KAZN: variants seen among roughly 807,000 people sequenced by gnomAD.
KAZN encodes the protein kazrin.
KAZN carries 40 observed loss-of-function variants against 87.4 expected under a neutral mutation model. The observed-to-expected ratio is 0.46, with a 90% confidence interval of 0.36 to 0.60. KAZN has a LOEUF of 0.60. KAZN is among the 20% of genes least tolerant of loss of function. The pLI is 0.00. For synonymous variants in KAZN, 466 were observed against 458.3 expected (o/e 1.02, Z -0.22); for missense variants, 898 against 1,073.9 (o/e 0.84, Z 2.29).
chr1:15,045,888 C>G (rs979387065), intron 4 of KAZN, among the ~76,000 whole-genome samples: 14 of 152,222 alleles, frequency 9.2e-5, no homozygotes, highest in African/African-American at 3.4e-4. Context: ...TTACCTCCAC[C>G]TGGTCCTTCC....
chr1:14,097,776 T>C (rs1644161380), intron 1 of KAZN, among the ~76,000 whole-genome samples: 1 of 152,192 alleles, frequency 6.6e-6, no homozygotes, highest in African/African-American at 2.4e-5. Context: ...CTTGACTAGC[T>C]TTTATCTTAA....
At chr1:14,559,158 T>C (rs72646001) in intron 2 of KAZN, among the ~76,000 whole-genome samples, 5,822 of 152,286 alleles carry the variant, frequency 0.038, 144 homozygotes, top group Non-Finnish European at 0.059. Context: ...GGTTTTATAT[T>C]CCAATCAACT....
Position 14,033,530 on chromosome 1 carries a change from G to A in KAZN, c.91+139774G>A, listed in dbSNP as rs138050577. Among the ~76,000 whole-genome samples the A allele has an allele frequency of 3.2e-3, 483 of 152,332 alleles. 2 individuals carry two copies. The highest frequency in any genetic ancestry group is 0.011 in the African/African-American group (460 of 41,574). ...TGCCAAGCTATACCCTAGGGACAGGGCTGCAAGCACAGGCTTTTGCAAAAC... is the reference window on the plus strand; with the variant it reads ...TGCCAAGCTATACCCTAGGGACAGGACTGCAAGCACAGGCTTTTGCAAAAC... On this transcript the variant is annotated intron_variant, in intron 1 of 16. Coordinates refer to the KAZN transcript ENST00000636203.
chr1:15,033,126 A>C (rs2311859), intron 2 of KAZN, among the ~76,000 whole-genome samples: 1 of 151,986 alleles, frequency 6.6e-6, no homozygotes, highest in Non-Finnish European at 1.5e-5. Context: ...AAAGTGTATG[A>C]GGGGATTGTG....
At chr1:14,002,596 T>C (rs369610279) in intron 1 of KAZN, among the ~76,000 whole-genome samples, 21 of 152,256 alleles carry the variant, frequency 1.4e-4, no homozygotes, top group African/African-American at 4.3e-4. Context: ...TTATCAGCCG[T>C]GTGAAAATGA....
chr1:14,405,606 A>ATATGTGTGTGTGTGTGTGTGTGTGTG (rs760881462), intron 2 of KAZN, among the ~76,000 whole-genome samples: 2 of 136,220 alleles, frequency 1.5e-5, no homozygotes, highest in African/African-American at 5.3e-5. Context: ...ACCCAATAAA[A>ATATGTGTGTGTGTGTGTGTGTGTGTG]TGTGTGTGTG....
At chr1:14,376,912 G>A (rs1660960146) in intron 2 of KAZN, among the ~76,000 whole-genome samples, 1 of 152,180 alleles carries the variant, frequency 6.6e-6, no homozygotes, top group African/African-American at 2.4e-5. Flanking sequence ...GTATGTTTTT[G>A]TTTGCAAAGC....
chr1:14,399,504 ACT>A (rs34416593), intron 2 of KAZN, among the ~76,000 whole-genome samples: 22,905 of 151,862 alleles, frequency 0.15, 1,858 homozygotes, highest in East Asian at 0.22. Flanking sequence ...GACATCTAGG[ACT>A]CTCTCAGTAA....
intron 1 of KAZN, among the ~76,000 whole-genome samples, chr1:14,951,079 AG>A (rs1557653400): frequency 6.6e-6 from 1 of 152,214 alleles, no homozygotes; most frequent in African/African-American, 2.4e-5. Flanking sequence ...TGAAGATTTC[AG>A]TCAATCTCAA....
At chr1:13,915,106 T>C (rs2100881480) in intron 1 of KAZN, among the ~76,000 whole-genome samples, 1 of 152,326 alleles carries the variant, frequency 6.6e-6, no homozygotes, top group East Asian at 1.9e-4. Context: ...TGTACACACA[T>C]GCATGTGTAT....
intron 2 of KAZN, among the ~76,000 whole-genome samples, chr1:14,591,808 C>T (rs547444211): frequency 6.6e-6 from 1 of 152,280 alleles, no homozygotes; most frequent in South Asian, 2.1e-4. Flanking sequence ...TGTGCATGCA[C>T]GCGCCCATGT....
intron 2 of KAZN, among the ~76,000 whole-genome samples, chr1:14,501,157 C>T (rs1670229958): frequency 6.6e-6 from 1 of 151,244 alleles, no homozygotes; most frequent in African/African-American, 2.4e-5. Context: ...CCACAATTAA[C>T]ATGATACTTA....
Position 15,081,056 on chromosome 1 carries a change from G to A in KAZN, c.1223-13124G>A, listed in dbSNP as rs967468073. Among the ~76,000 whole-genome samples the A allele has an allele frequency of 6.6e-6, 1 of 152,268 alleles. No homozygotes were observed. The highest frequency in any genetic ancestry group is 1.5e-5 in the Non-Finnish European group (1 of 68,044). On this transcript the variant is annotated intron_variant, in intron 8 of 14. Transcript: ENST00000376030. The surrounding 1 kb of genome is among the most constrained non-coding windows in gnomAD (Gnocchi z 4.1). ...ATCTACTGCATAAGAGGGGCCACAG[G>A]TGACCCTGCTGTGGCTGGAAGAGGC...
chr1:15,081,768 C>T lies in KAZN; in HGVS notation c.1223-12412C>T, dbSNP rs541927097. ...ATTGGAGAGGGGGAATTAGGGGCAT[C>T]GGGGAAATGCAGGAAGCCCAGGGTG... On this transcript the variant is annotated intron_variant, in intron 8 of 14. Transcript: ENST00000376030. This position sits in a 1 kb window ranked among gnomAD's most constrained non-coding sequence, Gnocchi z 4.1. Among the ~76,000 whole-genome samples the T allele has an allele frequency of 3.3e-5, 5 of 151,952 alleles. No individual in the cohort carries two copies. Among genetic ancestry groups the T allele is most frequent in the South Asian group, 2.1e-4 (1 of 4,800 alleles).
At position 14,604,641 on chromosome 1, in the gene KAZN, C is replaced by G. The variant is rs139468587; in HGVS notation, c.226+5418C>G. 5.7e-3 allele frequency among the ~76,000 whole-genome samples: 865 copies of G among 152,324 alleles called. 6 individuals are homozygous for G. The highest frequency in any genetic ancestry group is 0.019 in the African/African-American group (800 of 41,578). On this transcript the variant is annotated intron_variant, in intron 1 of 14. Transcript: ENST00000376030. ...CTGAACATAGTTTTAATGAGTTTGGCAAGAACAACTGTTTGAGCAGGTGGC... is the reference window on the plus strand; with the variant it reads ...CTGAACATAGTTTTAATGAGTTTGGGAAGAACAACTGTTTGAGCAGGTGGC...
intron 2 of KAZN, among the ~76,000 whole-genome samples, chr1:14,465,742 A>G (rs1238592902): frequency 6.6e-6 from 1 of 152,198 alleles, no homozygotes; most frequent in Non-Finnish European, 1.5e-5. Context: ...GCTTCACTTT[A>G]CGACATGTCA....
chr1:14,564,752 G>A (rs775257730), intron 2 of KAZN, among the ~76,000 whole-genome samples: 1 of 152,124 alleles, frequency 6.6e-6, no homozygotes. Flanking sequence ...AGCAGAGATT[G>A]CAGTGAGCCG....
intron 1 of KAZN, among the ~76,000 whole-genome samples, chr1:14,101,905 C>T (rs1204612676): frequency 6.6e-6 from 1 of 152,014 alleles, no homozygotes; most frequent in Admixed American, 6.6e-5. Context: ...CTGAATTAGC[C>T]CAGACAGTAA....
intron 1 of KAZN, among the ~76,000 whole-genome samples, chr1:14,172,615 A>T (rs1645977991): frequency 6.6e-6 from 1 of 152,218 alleles, no homozygotes; most frequent in Non-Finnish European, 1.5e-5. Context: ...TCAATACCTT[A>T]TTATGCTCTC....
Sources: allele counts gnomAD v4.1 joint callset (sites outside exome capture counted in the v4.1 genomes callset), GRCh38; gene constraint gnomAD v4.1.1; non-coding constraint Gnocchi (gnomAD v3.1); transcripts MANE v1.5; gene names NCBI Gene and HGNC (gene_info 2026-07-23, HGNC 2026-07-21).